Variants in ACSF3 observed in about 807,000 individuals in gnomAD.
ACSF3 encodes acyl-CoA synthetase family member 3, also known as malonate--CoA ligase ACSF3, mitochondrial.
ACSF3 carries 78 observed loss-of-function variants against 53.2 expected under a neutral mutation model. The ratio of observed to expected loss-of-function variants is 1.47; its 90% CI spans 1.22 to 1.77. The LOEUF (loss-of-function observed/expected upper bound fraction) is 1.77. ACSF3 is among the 40% of genes most tolerant of loss of function. ACSF3 has a pLI of 0.00. For synonymous variants in ACSF3, 414 were observed against 333.1 expected, an observed-to-expected ratio of 1.24 and a Z score of -2.65; for missense variants, 937 against 771.1, an observed-to-expected ratio of 1.22 and a Z score of -2.55.
At chr16:89,115,666 G>A (rs1041260922) in intron 6 of ACSF3, among the ~76,000 whole-genome samples, 2 of 152,240 alleles carry the variant, frequency 1.3e-5, no homozygotes, top group African/African-American at 4.8e-5. Flanking sequence ...TGTGTTGTCT[G>A]AAGCTTTCAA....
intron 4 of ACSF3, 115 bp from the exon 5 acceptor site, chr16:89,111,975 AGG>A: frequency 2.2e-6 from 1 of 448,874 alleles, no homozygotes; most frequent in South Asian, 2.6e-5. Flanking sequence ...TTTAGAAGGG[AGG>A]CGCTGCAGAC....
At chr16:89,114,188 G>C in intron 5 of ACSF3, 151 bp from the exon 6 acceptor site, 1 of 1,012,814 alleles carries the variant, frequency 9.9e-7, no homozygotes, top group Middle Eastern at 2.5e-4. Flanking sequence ...TCGCACAGTG[G>C]TGCTGTACCC....
intron 8 of ACSF3, among the ~76,000 whole-genome samples, chr16:89,138,722 GC>G (rs1480119733): frequency 6.6e-6 from 1 of 152,228 alleles, no homozygotes; most frequent in African/African-American, 2.4e-5. Flanking sequence ...TGAGGAGGGT[GC>G]CCCAGCCCTC....
At chr16:89,095,599 T>TG (rs1211620377) in intron 1 of ACSF3, among the ~76,000 whole-genome samples, 24 of 8,064 alleles carry the variant, frequency 3.0e-3, no homozygotes, top group Middle Eastern at 0.056. Context: ...ACACAAGGTC[T>TG]GGGGGGGCGG....
At position 89,114,506 on chromosome 16, in the gene ACSF3, G is replaced by A; in HGVS notation, c.1126+19G>A. ...CTGCCAGGTACGAGCACTTCCCACA[G>A]CTGCGTTCCTCTTCCACTGTGCTCT... is the stretch of plus-strand genomic sequence containing the variant. On this transcript the variant is annotated intron_variant, in intron 6 of 10. Transcript: ENST00000614302. The A allele has an allele frequency of 6.2e-7, 1 of 1,609,026 alleles. No homozygotes were observed. Among genetic ancestry groups the A allele is most frequent in the Middle Eastern group, 1.7e-4 (1 of 5,920 alleles).
At chr16:89,094,300 C>G (rs4782473) in intron 1 of ACSF3, among the ~76,000 whole-genome samples, 108,461 of 152,078 alleles carry the variant, frequency 0.71, 38,932 homozygotes, top group Admixed American at 0.76. Context: ...AACGAATCGT[C>G]TTTGGTTGTG....
At position 89,125,698 on chromosome 16, in the gene ACSF3, A is replaced by AAAGAGAGAG. The variant is rs373857710; in HGVS notation, c.1239+4786_1239+4787insAGAGAGAGA. On this transcript the variant is annotated intron_variant, in intron 7 of 10. Coordinates refer to ENST00000614302, the MANE Select transcript of ACSF3 (RefSeq NM_001243279.3). Reference sequence around the variant, plus strand: ...AGAGTGAGACTGCCTCAAAAAAAAAAAGAGAGAGAGAGAGAGAGAGATGTT... The same window carrying AAAGAGAGAG: ...AGAGTGAGACTGCCTCAAAAAAAAAAAAGAGAGAGAGAGAGAGAGAGAGAGAGAGATGTT... Among the ~76,000 whole-genome samples, 67 of 147,972 alleles carry AAAGAGAGAG rather than the reference A, an allele frequency of 4.5e-4. No homozygotes were observed. In the Middle Eastern group the frequency reaches 0.017, roughly 39 times the overall value.
intron 4 of ACSF3, among the ~76,000 whole-genome samples, chr16:89,107,405 C>T (rs920246672): frequency 3.3e-5 from 5 of 151,856 alleles, no homozygotes; most frequent in African/African-American, 1.2e-4. Flanking sequence ...CATGCTCTCC[C>T]CACCTCGGCA....
Position 89,135,502 on chromosome 16 carries a change from C to T in ACSF3, c.1366+2240C>T, listed in dbSNP as rs528622609. On this transcript the variant is annotated intron_variant, in intron 8 of 10. Coordinates refer to ENST00000614302, the MANE Select transcript of ACSF3 (RefSeq NM_001243279.3). ...CCCAAGGTACCCTGGGAGGCACCTT[C>T]GTGGGCTGGACATCAGCAGAGGACC... 4.6e-5 allele frequency among the ~76,000 whole-genome samples: 7 copies of T among 152,378 alleles called. No homozygotes were observed. The South Asian group carries it at 1.0e-3, about 23-fold the overall frequency.
chr16:89,155,752 T>G lies in ACSF3; in HGVS notation c.*1545T>G, dbSNP rs1351999985. The G allele has an allele frequency of 4.4e-6, 2 of 452,696 alleles. No individual in the cohort carries two copies. Among genetic ancestry groups the G allele is most frequent in the African/African-American group, 2.0e-5 (1 of 49,768 alleles). The allele number at this position is 452,696 out of a possible 1,614,324, so 28.0% of individuals were successfully genotyped here. ...AATTTAACATAGCAAAATTTTTACT[T>G]AATTCCACTAATTTTACATTTGCAT... On this transcript the variant is annotated 3_prime_UTR_variant, in exon 11 of 11. Transcript: ENST00000614302.
rs13337433 is a variant in ACSF3, at chr16:89,126,041, G to T, written c.1239+5128G>T. 8.7e-3 allele frequency among the ~76,000 whole-genome samples: 1,330 copies of T among 152,364 alleles called. 24 individuals carry two copies. The highest frequency in any genetic ancestry group is 0.04 in the South Asian group (194 of 4,830). The stretch of plus-strand genomic sequence containing the variant: ...CACGGTATGTTTCTCCATTTACATA[G>T]ATCTGTGAACACGGTCTGTCTCTCC... On this transcript the variant is annotated intron_variant, in intron 7 of 10. Transcript: ENST00000614302.
rs111327299 is a variant in ACSF3, at chr16:89,151,397, G to A, written c.1614-2693G>A. On this transcript the variant is annotated intron_variant, in intron 10 of 10. Coordinates refer to ENST00000614302, the MANE Select transcript of ACSF3 (RefSeq NM_001243279.3). Reference sequence around the variant, plus strand: ...GGGGAGGAACACTTCCTAACTCCCCGTATGGGACCAGCACTACCCTGAAAT... The same window carrying A: ...GGGGAGGAACACTTCCTAACTCCCCATATGGGACCAGCACTACCCTGAAAT... 1,679 of 361,770 alleles carry A rather than the reference G, an allele frequency of 4.6e-3. 26 individuals carry two copies. Among genetic ancestry groups the A allele is most frequent in the African/African-American group, 0.031 (1,457 of 47,040 alleles). 22.4% of individuals were successfully genotyped at this position (361,770 alleles called of 1,614,324 possible). A position where few individuals can be genotyped will look rare whatever the true frequency, so the allele number is the denominator to read the frequency against.
At chr16:89,096,507 A>G (rs1974633005) in intron 1 of ACSF3, among the ~76,000 whole-genome samples, 1 of 152,344 alleles carries the variant, frequency 6.6e-6, no homozygotes, top group East Asian at 1.9e-4. Context: ...GCTGAAGAGA[A>G]CTGATGACTG....
intron 8 of ACSF3, among the ~76,000 whole-genome samples, chr16:89,140,431 C>T (rs1360912897): frequency 6.6e-6 from 1 of 152,236 alleles, no homozygotes; most frequent in Non-Finnish European, 1.5e-5. Context: ...GATCTCAGGG[C>T]ATCGGCTTGG....
intron 7 of ACSF3, among the ~76,000 whole-genome samples, chr16:89,131,763 C>T (rs959619137): frequency 1.3e-5 from 2 of 152,228 alleles, no homozygotes; most frequent in South Asian, 2.1e-4. Flanking sequence ...AGTCTGACCA[C>T]GTCAGTGGAG....
chr16:89,106,528 A>G (rs537462701), intron 4 of ACSF3, among the ~76,000 whole-genome samples: 20 of 152,136 alleles, frequency 1.3e-4, no homozygotes, highest in Non-Finnish European at 2.6e-4. Context: ...TCCGGACCTC[A>G]TGATCCACCT....
At chr16:89,151,017 TG>T in intron 10 of ACSF3, 1 of 1,288,658 alleles carries the variant, frequency 7.8e-7, no homozygotes, top group South Asian at 1.2e-5. Flanking sequence ...CCAAAGGTCA[TG>T]AGTTTTCAGG....
chr16:89,144,994 C>T (rs1009693016), intron 8 of ACSF3, among the ~76,000 whole-genome samples: 2 of 152,218 alleles, frequency 1.3e-5, no homozygotes, highest in Non-Finnish European at 1.5e-5. Flanking sequence ...GAAGTGCATA[C>T]AGCTGAGCAT....
intron 1 of ACSF3, among the ~76,000 whole-genome samples, chr16:89,094,764 G>A (rs1974416008): frequency 6.6e-6 from 1 of 152,112 alleles, no homozygotes; most frequent in Admixed American, 6.5e-5. Flanking sequence ...GTGTGGTGGC[G>A]TACACCTGCA....
Sources: allele counts gnomAD v4.1 joint callset (sites outside exome capture counted in the v4.1 genomes callset), GRCh38; gene constraint gnomAD v4.1.1; transcripts MANE v1.5; gene names NCBI Gene and HGNC (gene_info 2026-07-23, HGNC 2026-07-21).